C4orf51: variants seen among roughly 807,000 people sequenced by gnomAD.
The protein encoded by C4orf51 is uncharacterized protein C4orf51.
In C4orf51, 25 loss-of-function variants were observed where a neutral mutation model predicts 25.2. The observed-to-expected ratio is 0.99, with a 90% CI of 0.72 to 1.39. C4orf51 has a LOEUF of 1.39. Among genes scored for constraint, C4orf51 ranks in the 40% most tolerant of loss-of-function variants. The pLI is 0.00. For synonymous variants in C4orf51, 100 were observed against 84.5 expected, an observed-to-expected ratio of 1.18 and a Z score of -1.01; for missense variants, 252 against 239.6, an observed-to-expected ratio of 1.05 and a Z score of -0.34.
intron 3 of C4orf51, among the ~76,000 whole-genome samples, chr4:145,728,026 ATATT>A (rs1732200886): frequency 8.2e-6 from 1 of 122,632 alleles, no homozygotes; most frequent in Non-Finnish European, 1.6e-5. Context: ...TATATAATAT[ATATT>A]ATATATAATA....
At chr4:145,697,997 T>C (rs1258744735) in intron 2 of C4orf51, among the ~76,000 whole-genome samples, 1 of 152,246 alleles carries the variant, frequency 6.6e-6, no homozygotes, top group Non-Finnish European at 1.5e-5. Context: ...ACTTATTTTT[T>C]AACTTTTTGA....
At position 145,680,342 on chromosome 4, in the gene C4orf51, A is replaced by G; in HGVS notation, c.139A>G (p.Thr47Ala). ...ACGATGGTCAGATTCTTCCGTGACAACATACACAGGCAGTTACCGGAAAAA... is the reference window on the plus strand; with the variant it reads ...ACGATGGTCAGATTCTTCCGTGACAGCATACACAGGCAGTTACCGGAAAAA... ...ETRWSDSSVTTYTGSYRKKQL... is the reference protein window; with the variant it reads ...ETRWSDSSVTAYTGSYRKKQL... The change falls in exon 1 of 6, where the codon ACA becomes GCA. Residue 47 changes from threonine (T) to alanine (A), a missense_variant. Transcript: ENST00000438731. The G allele has an allele frequency of 6.2e-7, 1 of 1,614,014 alleles. No individual in the cohort carries two copies.
intron 1 of C4orf51, among the ~76,000 whole-genome samples, chr4:145,751,401 G>A (rs1314790124): frequency 4.6e-5 from 7 of 152,148 alleles, no homozygotes; most frequent in Non-Finnish European, 1.0e-4. Flanking sequence ...TAGAGGTACC[G>A]CCTTGGTGAT....
At chr4:145,699,911 G>A (rs1439894264) in intron 2 of C4orf51, among the ~76,000 whole-genome samples, 5 of 151,782 alleles carry the variant, frequency 3.3e-5, no homozygotes, top group South Asian at 2.1e-4. Context: ...CACCCTTAGC[G>A]GCAAGTCCCG....
intron 1 of C4orf51, among the ~76,000 whole-genome samples, chr4:145,695,373 CAT>C (rs1167090991): frequency 1.3e-5 from 2 of 152,230 alleles, no homozygotes; most frequent in South Asian, 2.1e-4. Context: ...TTTTTGGCCA[CAT>C]GTCTTCTTTT....
At chr4:145,754,538 C>G (rs1471646991), downstream of C4orf51, among the ~76,000 whole-genome samples, 2 of 152,288 alleles carry the variant, frequency 1.3e-5, no homozygotes, top group East Asian at 3.9e-4. Flanking sequence ...TGGCAAACCC[C>G]TAACTCATCA....
intron 1 of C4orf51, among the ~76,000 whole-genome samples, chr4:145,737,907 C>T (rs1479517034): frequency 6.6e-6 from 1 of 152,094 alleles, no homozygotes. Flanking sequence ...CTCTTTCAAT[C>T]TGAGTGTTCA....
At chr4:145,746,720 T>G (rs574259538) in intron 1 of C4orf51, among the ~76,000 whole-genome samples, 1 of 152,294 alleles carries the variant, frequency 6.6e-6, no homozygotes, top group Admixed American at 6.5e-5. Flanking sequence ...CTATATACAC[T>G]TTAGAATTTT....
Position 145,725,285 on chromosome 4 carries a change from A to G in C4orf51, c.308-1626A>G, listed in dbSNP as rs183260504. ...AATGGCTATAATCACAAAGACAATA[A>G]CAAATATTGGAGAAGATGTGGAGAA... is the stretch of plus-strand genomic sequence containing the variant. On this transcript the variant is annotated intron_variant, in intron 2 of 5. Transcript: ENST00000438731. 1.8e-3 allele frequency among the ~76,000 whole-genome samples: 272 copies of G among 152,368 alleles called. 3 individuals are homozygous for G. The highest frequency in any genetic ancestry group is 5.8e-3 in the African/African-American group (242 of 41,588).
chr4:145,785,410 T>C, the C4orf51 span, among the ~76,000 whole-genome samples: 1 of 152,322 alleles, frequency 6.6e-6, no homozygotes, highest in East Asian at 1.9e-4. Context: ...GAAGGAGTTC[T>C]ATCAAAATCT....
At chr4:145,733,154 C>T (rs1411425432), downstream of C4orf51, among the ~76,000 whole-genome samples, 1 of 152,060 alleles carries the variant, frequency 6.6e-6, no homozygotes, top group Non-Finnish European at 1.5e-5. Context: ...ACGGCCCGCC[C>T]ACCCGCCGCC....
At chr4:145,786,621 G>A in the C4orf51 span, among the ~76,000 whole-genome samples, 1 of 152,168 alleles carries the variant, frequency 6.6e-6, no homozygotes, top group African/African-American at 2.4e-5. Flanking sequence ...AGAAAGCAGA[G>A]GGCATGGAAC....
At position 145,765,203 on chromosome 4, in the gene C4orf51, C is replaced by A. The variant is rs200006496; in HGVS notation, n.167-5785C>A. 5.7e-5 allele frequency: 89 copies of A among 1,550,700 alleles called. No individual in the cohort carries two copies. The East Asian group carries it at 1.8e-3, about 31-fold the overall frequency. ...AAGCTGGGTATAGAGGTGCACAGGG[C>A]AGCGGGGAGAGGAGGGCAGGAGTGG... On this transcript the variant is annotated intron_variant and non_coding_transcript_variant, in intron 1 of 1. Coordinates refer to the C4orf51 transcript ENST00000510096. This position sits in a 1 kb window ranked among gnomAD's most constrained non-coding sequence, Gnocchi z 4.7.
At chr4:145,711,047 A>T (rs1361411708) in intron 2 of C4orf51, among the ~76,000 whole-genome samples, 2 of 152,186 alleles carry the variant, frequency 1.3e-5, no homozygotes, top group Non-Finnish European at 2.9e-5. Flanking sequence ...TCCAGAATGC[A>T]TGCATATCAA....
chr4:145,787,190 C>T, the C4orf51 span, among the ~76,000 whole-genome samples: 2 of 152,144 alleles, frequency 1.3e-5, no homozygotes, highest in East Asian at 1.9e-4. Context: ...GTCGGCCGGG[C>T]GCAGTGGCTC....
chr4:145,696,198 GT>G (rs1730038654), intron 1 of C4orf51, among the ~76,000 whole-genome samples: 2 of 152,088 alleles, frequency 1.3e-5, no homozygotes, highest in South Asian at 4.1e-4. Flanking sequence ...GAAAGCGGAG[GT>G]TGCAGTGAGC....
chr4:145,703,158 A>G (rs1730568546), intron 2 of C4orf51, among the ~76,000 whole-genome samples: 1 of 151,544 alleles, frequency 6.6e-6, no homozygotes, highest in Non-Finnish European at 1.5e-5. Context: ...AGAAGTGAAT[A>G]TGCCCTGCCC....
intron 1 of C4orf51, among the ~76,000 whole-genome samples, chr4:145,687,542 T>G (rs1249602296): frequency 6.6e-6 from 1 of 152,222 alleles, no homozygotes; most frequent in Non-Finnish European, 1.5e-5. Context: ...TCTGTGTCAG[T>G]CTTGGACTCC....
intron 1 of C4orf51, among the ~76,000 whole-genome samples, chr4:145,749,073 ATATATATATATATG>A (rs1440305807): frequency 1.1e-4 from 17 of 148,548 alleles, no homozygotes; most frequent in Non-Finnish European, 2.1e-4. Flanking sequence ...GTGTATATAT[ATATATATATATATG>A]TATATATATT....
Sources: gnomAD v4.1 joint callset for allele counts (sites outside exome capture counted in the v4.1 genomes callset) on GRCh38, gnomAD v4.1.1 for gene constraint, Gnocchi (gnomAD v3.1) non-coding constraint, MANE v1.5 for transcripts, NCBI Gene and HGNC (gene_info 2026-07-23, HGNC 2026-07-21) for gene names.